Variants in KANK1 observed in about 807,000 individuals in gnomAD.
The protein encoded by KANK1 is KN motif and ankyrin repeat domain-containing protein 1.
Under a neutral mutation model 106.2 loss-of-function variants are expected in KANK1, and 109 were observed. The ratio of observed to expected loss-of-function variants is 1.03; its 90% CI spans 0.88 to 1.20. KANK1 has a LOEUF of 1.20. KANK1 is among the 50% of genes most tolerant of loss of function. The probability of loss-of-function intolerance (pLI) is 0.00; values close to 1 mark genes in which losing one functional copy is unlikely to be tolerated. For synonymous variants in KANK1, 873 were observed against 652.2 expected, an observed-to-expected ratio of 1.34 and a Z score of -5.16; for missense variants, 2,399 against 1,710.7, an observed-to-expected ratio of 1.40 and a Z score of -7.10.
chr9:657,407 T>C (rs1351527290), intron 1 of KANK1, among the ~76,000 whole-genome samples: 2 of 152,282 alleles, frequency 1.3e-5, no homozygotes, highest in East Asian at 3.9e-4. Context: ...GGTTCTTGAA[T>C]CTCATGGTAG....
At chr9:731,353 G>A in intron 5 of KANK1, 87 bp downstream of exon 5, 1 of 744,470 alleles carries the variant, frequency 1.3e-6, no homozygotes, top group Non-Finnish European at 2.3e-6. Context: ...CCTAGTCGGG[G>A]AAGCGGCCAC....
chr9:689,187 A>G (rs1270195543), intron 2 of KANK1, among the ~76,000 whole-genome samples: 1 of 152,198 alleles, frequency 6.6e-6, no homozygotes, highest in East Asian at 1.9e-4. Flanking sequence ...GGTAATAACC[A>G]TGGGGCAATC....
intron 1 of KANK1, among the ~76,000 whole-genome samples, chr9:520,312 C>T (rs1014667418): frequency 1.3e-5 from 2 of 151,658 alleles, no homozygotes; most frequent in Admixed American, 6.6e-5. Context: ...GCACTCCAGC[C>T]TGCTTGGTAG....
At position 706,886 on chromosome 9, in the gene KANK1, T is replaced by A. The variant is rs1052080221; in HGVS notation, c.38-3918T>A. ...CTCTTTCATGAAGCAGTGACTAGTA[T>A]AGGAAAAACAGAGCCTCTCTGTAGA... On this transcript the variant is annotated intron_variant, in intron 2 of 11. Transcript: ENST00000382297. The A allele has an allele frequency of 1.3e-5, 13 of 985,240 alleles. No homozygotes were observed. In the African/African-American group the frequency reaches 2.3e-4, roughly 17 times the overall value. 61.0% of individuals were successfully genotyped at this position (985,240 alleles called of 1,614,324 possible).
chr9:588,443 C>T (rs1412139273), intron 1 of KANK1, among the ~76,000 whole-genome samples: 1 of 152,104 alleles, frequency 6.6e-6, no homozygotes, highest in Non-Finnish European at 1.5e-5. Flanking sequence ...ATGTAGCACT[C>T]AGGTGTTGAT....
intron 1 of KANK1, among the ~76,000 whole-genome samples, chr9:638,295 A>G (rs529834549): frequency 6.6e-6 from 1 of 152,214 alleles, no homozygotes; most frequent in Non-Finnish European, 1.5e-5. Context: ...GACATGTGGT[A>G]AACGCCTTCT....
intron 1 of KANK1, among the ~76,000 whole-genome samples, chr9:660,750 A>G (rs1588666268): frequency 6.6e-6 from 1 of 152,224 alleles, no homozygotes; most frequent in African/African-American, 2.4e-5. Flanking sequence ...AGCAACAGCA[A>G]CTCTACCACT....
chr9:667,951 G>A (rs1450074569), intron 1 of KANK1, among the ~76,000 whole-genome samples: 3 of 151,780 alleles, frequency 2.0e-5, no homozygotes, highest in Non-Finnish European at 4.4e-5. Context: ...GGCTGGTCCC[G>A]AACTCCTGAC....
chr9:707,077 C>T (rs7871551), intron 2 of KANK1: 491,590 of 985,080 alleles, frequency 0.5, 124,281 homozygotes, highest in Middle Eastern at 0.52. Flanking sequence ...GAGACCTCGC[C>T]GGTGAAAGCT....
At chr9:519,401 T>C (rs1417017619) in intron 1 of KANK1, among the ~76,000 whole-genome samples, 1 of 151,740 alleles carries the variant, frequency 6.6e-6, no homozygotes, top group Non-Finnish European at 1.5e-5. Context: ...TTCTTGTATA[T>C]TTTCATAGGA....
At chr9:586,319 G>A (rs968351247) in intron 1 of KANK1, among the ~76,000 whole-genome samples, 1 of 152,200 alleles carries the variant, frequency 6.6e-6, no homozygotes, top group African/African-American at 2.4e-5. Context: ...AAGGTTACAG[G>A]AATAGGATGA....
chr9:636,635 A>T (rs948872110), intron 1 of KANK1, among the ~76,000 whole-genome samples: 5 of 152,358 alleles, frequency 3.3e-5, no homozygotes, highest in East Asian at 3.9e-4. Context: ...TGGGAGGCCA[A>T]GGCAGGCGGA....
intron 1 of KANK1, among the ~76,000 whole-genome samples, chr9:557,095 A>C (rs1249967441): frequency 6.6e-6 from 1 of 151,796 alleles, no homozygotes; most frequent in Non-Finnish European, 1.5e-5. Flanking sequence ...AGGCAGGAGG[A>C]TCACATGAGC....
Position 656,244 on chromosome 9 carries a change from C to G in KANK1, c.-83-20646C>G, listed in dbSNP as rs892933988. On this transcript the variant is annotated intron_variant, in intron 1 of 11. Coordinates refer to ENST00000382297, the MANE Select transcript of KANK1 (RefSeq NM_015158.5). Reference sequence around the variant, plus strand: ...CCAGCGTGGTGGAGTTGAGACCTTGCTGTCAGAGCCTGTTCAGAAGGAGAG... The same window carrying G: ...CCAGCGTGGTGGAGTTGAGACCTTGGTGTCAGAGCCTGTTCAGAAGGAGAG... Among the ~76,000 whole-genome samples the G allele has an allele frequency of 2.0e-5, 3 of 149,254 alleles. No individual in the cohort carries two copies. The South Asian group carries it at 6.3e-4, about 31-fold the overall frequency.
intron 1 of KANK1, among the ~76,000 whole-genome samples, chr9:644,652 A>G (rs1355066064): frequency 6.6e-6 from 1 of 150,770 alleles, no homozygotes; most frequent in African/African-American, 2.5e-5. Flanking sequence ...TGGCCCATTC[A>G]TGAGAACTCT....
At chr9:677,864 C>G (rs74386058) in intron 2 of KANK1, among the ~76,000 whole-genome samples, 6,623 of 152,178 alleles carry the variant, frequency 0.044, 396 homozygotes, top group East Asian at 0.22. Context: ...AGTCCTAGTT[C>G]CAGCACTAAC....
chr9:692,505 T>TC (rs1249994575), intron 2 of KANK1, among the ~76,000 whole-genome samples: 2 of 87,880 alleles, frequency 2.3e-5, no homozygotes, highest in Non-Finnish European at 5.1e-5. Flanking sequence ...GATTTTTTCT[T>TC]CCTTTTTTTT....
At position 672,842 on chromosome 9, in the gene KANK1, A is replaced by C. The variant is rs117631422; in HGVS notation, c.-83-4048A>C. Among the ~76,000 whole-genome samples, 164 of 152,316 alleles carry C rather than the reference A, an allele frequency of 1.1e-3. 4 individuals are homozygous for C. The East Asian group carries it at 0.024, about 22-fold the overall frequency. ...CCCGAAATAAATAGACACAAAGACA[A>C]ATTCTTTATTTTCTCTGTTGATGTA... On this transcript the variant is annotated intron_variant, in intron 1 of 11. Transcript: ENST00000382297.
At chr9:697,588 C>T (rs1821629803) in intron 2 of KANK1, among the ~76,000 whole-genome samples, 1 of 152,104 alleles carries the variant, frequency 6.6e-6, no homozygotes. Flanking sequence ...GTGATTCCTA[C>T]CTGAATCCGC....
Sources: allele counts gnomAD v4.1 joint callset (sites outside exome capture counted in the v4.1 genomes callset), GRCh38; gene constraint gnomAD v4.1.1; transcripts MANE v1.5; gene names NCBI Gene and HGNC (gene_info 2026-07-23, HGNC 2026-07-21).